The following PTPRD variants were observed in gnomAD, a reference collection of about 807,000 sequenced individuals.
PTPRD encodes the protein protein tyrosine phosphatase receptor type D, also known as receptor-type tyrosine-protein phosphatase delta.
A neutral mutation model predicts 214.5 loss-of-function variants in PTPRD; 34 were observed. The ratio of observed to expected loss-of-function variants is 0.16; its 90% CI spans 0.12 to 0.21. The LOEUF is 0.21. Among genes scored for constraint, PTPRD ranks in the 10% least tolerant of loss-of-function variants. The probability of loss-of-function intolerance (pLI) is 1.00; values close to 1 mark genes in which losing one functional copy is unlikely to be tolerated. For synonymous variants in PTPRD, 1,128 were observed against 845.7 expected (o/e 1.33, Z -5.79); for missense variants, 2,545 against 2,398.7 (o/e 1.06, Z -1.27).
rs34252968 is a variant in PTPRD at position 8,790,768 on chromosome 9, GAA to G, written c.-103-56824_-103-56823del. 2.1e-5 allele frequency among the ~76,000 whole-genome samples: 3 copies of G among 146,272 alleles called. No individual in the cohort carries two copies. The East Asian group carries it at 6.1e-4, about 30-fold the overall frequency. ...ATATTTGCTTAGTATGTAGGGAAAG[GAA>G]AAAAAAAAGGGGGTAGTGACAAAAC... On this transcript the variant is annotated intron_variant, in intron 11 of 45. Transcript: ENST00000381196.
intron 9 of PTPRD, among the ~76,000 whole-genome samples, chr9:9,355,276 A>C (rs1003373865): frequency 2.0e-5 from 3 of 151,742 alleles, no homozygotes; most frequent in African/African-American, 7.2e-5. Context: ...GTAAAAGATG[A>C]GAATGAATTA....
chr9:8,566,138 G>C (rs546271733), intron 14 of PTPRD, among the ~76,000 whole-genome samples: 27 of 148,440 alleles, frequency 1.8e-4, no homozygotes, highest in African/African-American at 6.4e-4. Flanking sequence ...GTGTGTGTGT[G>C]TGTATAGCAA....
intron 8 of PTPRD, among the ~76,000 whole-genome samples, chr9:9,540,590 A>T (rs2077381648): frequency 6.6e-6 from 1 of 151,896 alleles, no homozygotes. Flanking sequence ...AATAACACAT[A>T]TAAAGTGGGA....
chr9:8,650,915 C>G (rs1193984387), intron 12 of PTPRD, among the ~76,000 whole-genome samples: 1 of 151,344 alleles, frequency 6.6e-6, no homozygotes, highest in Non-Finnish European at 1.5e-5. Flanking sequence ...AGACCCAAAG[C>G]TCTAAGCTGA....
At chr9:10,035,484 A>T (rs1030350466) in intron 3 of PTPRD, among the ~76,000 whole-genome samples, 1 of 152,094 alleles carries the variant, frequency 6.6e-6, no homozygotes, top group East Asian at 1.9e-4. Flanking sequence ...TGCTTTTGGC[A>T]TCTTCGTCAT....
At chr9:9,459,341 A>G (rs1233198983) in intron 8 of PTPRD, among the ~76,000 whole-genome samples, 3 of 152,134 alleles carry the variant, frequency 2.0e-5, no homozygotes, top group African/African-American at 7.2e-5. Context: ...TAGTAGTGGA[A>G]ATACTGGCCA....
intron 5 of PTPRD, among the ~76,000 whole-genome samples, chr9:9,925,069 TTTATA>T (rs1403292404): frequency 6.6e-6 from 1 of 152,138 alleles, no homozygotes; most frequent in Non-Finnish European, 1.5e-5. Context: ...TATTACAGTG[TTTATA>T]TTATAACTAG....
chr9:8,908,066 C>T (rs1344724799), intron 11 of PTPRD, among the ~76,000 whole-genome samples: 1 of 152,022 alleles, frequency 6.6e-6, no homozygotes, highest in African/African-American at 2.4e-5. Flanking sequence ...AAAAATGACT[C>T]ACCACATACA....
At chr9:10,013,817 T>G (rs1458313347) in intron 4 of PTPRD, among the ~76,000 whole-genome samples, 2 of 152,002 alleles carry the variant, frequency 1.3e-5, no homozygotes, top group Admixed American at 6.6e-5. Flanking sequence ...TTGGTTCACA[T>G]AATAATGTTC....
chr9:10,204,930 C>G (rs1410031479), intron 3 of PTPRD, among the ~76,000 whole-genome samples: 1 of 152,044 alleles, frequency 6.6e-6, no homozygotes, highest in Non-Finnish European at 1.5e-5. Context: ...CTGTGAAGTG[C>G]CAAATCAAAT....
intron 10 of PTPRD, among the ~76,000 whole-genome samples, chr9:9,093,485 T>A (rs1170306611): frequency 6.6e-6 from 1 of 151,900 alleles, no homozygotes; most frequent in Non-Finnish European, 1.5e-5. Context: ...GTAAATAATG[T>A]TTTCTGGTTA....
chr9:9,438,700 C>T (rs1012815725), intron 8 of PTPRD, among the ~76,000 whole-genome samples: 1 of 152,088 alleles, frequency 6.6e-6, no homozygotes, highest in Non-Finnish European at 1.5e-5. Flanking sequence ...AAAAGTTAAA[C>T]ATTATCTTTA....
At chr9:9,978,333 G>A (rs1490387837) in intron 4 of PTPRD, among the ~76,000 whole-genome samples, 1 of 151,976 alleles carries the variant, frequency 6.6e-6, no homozygotes, top group Non-Finnish European at 1.5e-5. Flanking sequence ...AAAAGATGGG[G>A]AACTTTAGCA....
At position 8,742,254 on chromosome 9, in the gene PTPRD, T is replaced by G. The variant is rs190359692; in HGVS notation, c.-103-8308A>C. Among the ~76,000 whole-genome samples the G allele has an allele frequency of 2.6e-5, 4 of 152,304 alleles. No individual in the cohort carries two copies. The East Asian group carries it at 7.7e-4, about 29-fold the overall frequency. ...TATTTTAAATTGATATATAAAACTG[T>G]ATATATTATGCACAACATGATGTTT... is the stretch of plus-strand genomic sequence containing the variant. On this transcript the variant is annotated intron_variant, in intron 11 of 45. Coordinates refer to ENST00000381196, the MANE Select transcript of PTPRD (RefSeq NM_002839.4).
At chr9:9,011,569 T>C (rs1203969723) in intron 11 of PTPRD, among the ~76,000 whole-genome samples, 1 of 152,186 alleles carries the variant, frequency 6.6e-6, no homozygotes. Flanking sequence ...TGCTATTCCC[T>C]GCCAGAGTAG....
chr9:8,735,128 GTTTT>G (rs1376299728), intron 11 of PTPRD, among the ~76,000 whole-genome samples: 1 of 142,504 alleles, frequency 7.0e-6, no homozygotes, highest in East Asian at 2.0e-4. Flanking sequence ...CAATAATTTG[GTTTT>G]TTTTTGTTTT....
chr9:9,399,493 ATTATTGGACATTTTCC>A lies in PTPRD; in HGVS notation c.-236-2027_-236-2012del, dbSNP rs771619073. ...TAAAATGTGCTGGTAAGTCTAGATT[ATTATTGGACATTTTCC>A]CCTCCAAAGGTCAAAGTTTTCAAAG... On this transcript the variant is annotated intron_variant, in intron 8 of 45. Transcript: ENST00000381196. 7.3e-4 allele frequency among the ~76,000 whole-genome samples: 111 copies of A among 152,196 alleles called. No homozygotes were observed. In the Middle Eastern group the frequency reaches 0.014, roughly 19 times the overall value.
chr9:9,557,311 CA>C (rs1462827632), intron 8 of PTPRD, among the ~76,000 whole-genome samples: 1 of 152,108 alleles, frequency 6.6e-6, no homozygotes, highest in East Asian at 1.9e-4. Context: ...AACATTAAAA[CA>C]GAGATCTTAA....
chr9:9,381,219 A>G (rs2062125272), intron 9 of PTPRD, among the ~76,000 whole-genome samples: 1 of 151,882 alleles, frequency 6.6e-6, no homozygotes, highest in South Asian at 2.1e-4. Flanking sequence ...AATACTATTA[A>G]ATTTGTTACT....
Sources: allele counts gnomAD v4.1 joint callset (sites outside exome capture counted in the v4.1 genomes callset), GRCh38; gene constraint gnomAD v4.1.1; transcripts MANE v1.5; gene names NCBI Gene and HGNC (gene_info 2026-07-23, HGNC 2026-07-21).